MAP3K5: variants seen among roughly 807,000 people sequenced by gnomAD.
MAP3K5 encodes ASK-1.
A neutral mutation model predicts 158.7 loss-of-function variants in MAP3K5; 56 were observed. The ratio of observed to expected loss-of-function variants is 0.35; its 90% CI spans 0.28 to 0.44. MAP3K5 has a LOEUF of 0.44. MAP3K5 is among the 20% of genes least tolerant of loss of function. MAP3K5 has a pLI of 1.00. For synonymous variants in MAP3K5, 579 were observed against 601.7 expected (o/e 0.96, Z 0.55); for missense variants, 1,294 against 1,674.8 (o/e 0.77, Z 3.97).
chr6:136,711,162 C>T (rs983797544), intron 2 of MAP3K5, among the ~76,000 whole-genome samples: 6 of 151,702 alleles, frequency 4.0e-5, no homozygotes, highest in Non-Finnish European at 7.4e-5. Flanking sequence ...TACATAAAAG[C>T]TCAAGCTTTA....
intron 19 of MAP3K5, among the ~76,000 whole-genome samples, chr6:136,604,399 AG>A (rs1447303173): frequency 2.6e-5 from 4 of 152,224 alleles, no homozygotes; most frequent in African/African-American, 9.6e-5. Flanking sequence ...TGGATCCCAC[AG>A]GGGAGCACAA....
At chr6:136,711,483 G>A (rs1392956003) in intron 2 of MAP3K5, among the ~76,000 whole-genome samples, 4 of 151,900 alleles carry the variant, frequency 2.6e-5, no homozygotes, top group South Asian at 2.1e-4. Flanking sequence ...TGGGAAACAC[G>A]GCAAAACCCC....
At chr6:136,683,741 T>C (rs568713695) in intron 7 of MAP3K5, among the ~76,000 whole-genome samples, 1 of 152,294 alleles carries the variant, frequency 6.6e-6, no homozygotes, top group South Asian at 2.1e-4. Flanking sequence ...GAGTCTCCCA[T>C]TAGTTCATAC....
chr6:136,659,098 A>G, intron 9 of MAP3K5, 121 bp downstream of exon 9: 2 of 905,334 alleles, frequency 2.2e-6, no homozygotes, highest in African/African-American at 1.7e-5. Context: ...ATTTTCCTCT[A>G]TATTCTGCAT....
intron 1 of MAP3K5, among the ~76,000 whole-genome samples, chr6:136,767,734 C>A (rs1784023521): frequency 6.6e-6 from 1 of 152,154 alleles, no homozygotes; most frequent in African/African-American, 2.4e-5. Context: ...ATAGCCTAAA[C>A]AGTCTTGAAA....
intron 1 of MAP3K5, among the ~76,000 whole-genome samples, chr6:136,751,069 C>T (rs957096566): frequency 2.0e-5 from 3 of 151,730 alleles, no homozygotes; most frequent in Non-Finnish European, 2.9e-5. Flanking sequence ...ACTTCATCCC[C>T]GAGTAGCATT....
intron 14 of MAP3K5, among the ~76,000 whole-genome samples, chr6:136,624,371 A>G (rs1364450232): frequency 6.6e-6 from 1 of 152,212 alleles, no homozygotes; most frequent in African/African-American, 2.4e-5. Flanking sequence ...ATCAACCACA[A>G]TAGATTTTAA....
chr6:136,675,377 T>C (rs1377168804), intron 7 of MAP3K5, among the ~76,000 whole-genome samples: 3 of 152,088 alleles, frequency 2.0e-5, no homozygotes, highest in Non-Finnish European at 1.5e-5. Flanking sequence ...CTAACAACTG[T>C]GTACCATATT....
chr6:136,721,555 C>T (rs549461052), intron 1 of MAP3K5, among the ~76,000 whole-genome samples: 2 of 151,834 alleles, frequency 1.3e-5, no homozygotes, highest in Non-Finnish European at 2.9e-5. Flanking sequence ...TGGCTATAAA[C>T]AAAAATATGA....
intron 7 of MAP3K5, among the ~76,000 whole-genome samples, chr6:136,685,191 G>A (rs551548062): frequency 2.0e-5 from 3 of 151,972 alleles, no homozygotes; most frequent in South Asian, 2.1e-4. Context: ...GGTGGCACGC[G>A]CCTGTAGTCC....
At chr6:136,691,547 G>A (rs1780388484) in intron 7 of MAP3K5, among the ~76,000 whole-genome samples, 3 of 151,438 alleles carry the variant, frequency 2.0e-5, no homozygotes, top group Admixed American at 1.3e-4. Context: ...GGAGGCAGAG[G>A]TTGCAGTGAG....
intron 21 of MAP3K5, among the ~76,000 whole-genome samples, chr6:136,595,113 C>T (rs942308553): frequency 1.3e-5 from 2 of 152,128 alleles, no homozygotes; most frequent in Admixed American, 6.5e-5. Context: ...ATTCCCTCCT[C>T]GGTTTGATTT....
At chr6:136,562,650 G>C (rs765884662) in intron 26 of MAP3K5, 35 bp from the exon 27 acceptor site, 2 of 1,056,734 alleles carry the variant, frequency 1.9e-6, no homozygotes, top group Non-Finnish European at 2.8e-6. Flanking sequence ...GACAGGAGGT[G>C]ACACAGGGTG....
At chr6:136,705,968 G>T (rs556598531) in intron 2 of MAP3K5, among the ~76,000 whole-genome samples, 2 of 152,038 alleles carry the variant, frequency 1.3e-5, no homozygotes, top group African/African-American at 4.8e-5. Flanking sequence ...AAATATAATG[G>T]GATAAATGGC....
intron 18 of MAP3K5, among the ~76,000 whole-genome samples, chr6:136,605,793 T>C (rs1226343919): frequency 2.0e-5 from 3 of 152,244 alleles, no homozygotes; most frequent in Non-Finnish European, 4.4e-5. Context: ...ATTCATCCAT[T>C]TCCTTAGCTC....
At chr6:136,598,146 T>G (rs1018664841) in intron 21 of MAP3K5, among the ~76,000 whole-genome samples, 1 of 152,212 alleles carries the variant, frequency 6.6e-6, no homozygotes, top group African/African-American at 2.4e-5. Flanking sequence ...CCTCCCCTTT[T>G]ACTTTAAGCA....
At chr6:136,664,747 A>G (rs963270757) in intron 8 of MAP3K5, among the ~76,000 whole-genome samples, 2 of 152,204 alleles carry the variant, frequency 1.3e-5, no homozygotes, top group African/African-American at 4.8e-5. Context: ...CTTGGCCAAC[A>G]TGGCAAAATC....
At chr6:136,741,381 A>G (rs1257328249) in intron 1 of MAP3K5, among the ~76,000 whole-genome samples, 1 of 152,164 alleles carries the variant, frequency 6.6e-6, no homozygotes, top group Non-Finnish European at 1.5e-5. Flanking sequence ...TATCAATTCA[A>G]AATTGAATTA....
intron 21 of MAP3K5, among the ~76,000 whole-genome samples, chr6:136,596,098 T>TA (rs961524972): frequency 6.6e-6 from 1 of 151,976 alleles, no homozygotes; most frequent in Non-Finnish European, 1.5e-5. Flanking sequence ...GTATTTAAAG[T>TA]AAAGGATGAC....
Sources: gnomAD v4.1 joint callset for allele counts (sites outside exome capture counted in the v4.1 genomes callset) on GRCh38, gnomAD v4.1.1 for gene constraint, MANE v1.5 for transcripts, NCBI Gene and HGNC (gene_info 2026-07-23, HGNC 2026-07-21) for gene names.